Variants in YWHAE observed in about 807,000 individuals in gnomAD.
The protein encoded by YWHAE is 14-3-3 protein epsilon.
In YWHAE, 4 loss-of-function variants were observed where a neutral mutation model predicts 30.1. The observed-to-expected ratio is 0.13, with a 90% CI of 0.07 to 0.30. The LOEUF is 0.30. Ranked by LOEUF, YWHAE falls within the 10% of genes least tolerant of loss-of-function variation. The pLI, the probability that YWHAE is intolerant of heterozygous loss-of-function variation, is 1.00. For missense variants in YWHAE, 121 were observed against 315.9 expected, an observed-to-expected ratio of 0.38 and a Z score of 4.68; for synonymous variants, 118 against 111.8, an observed-to-expected ratio of 1.06 and a Z score of -0.35.
intron 1 of YWHAE, among the ~76,000 whole-genome samples, chr17:1,375,346 A>G (rs1364506546): frequency 6.6e-6 from 1 of 152,184 alleles, no homozygotes; most frequent in Non-Finnish European, 1.5e-5. Flanking sequence ...GATGAACTCC[A>G]ACCATTATAT....
At chr17:1,348,085 G>A in intron 5 of YWHAE, 1 of 773,076 alleles carries the variant, frequency 1.3e-6, no homozygotes, top group Non-Finnish European at 1.6e-6. Context: ...AACAGAGCAG[G>A]ACAAAGGAAA....
chr17:1,347,889 G>A lies in YWHAE; in HGVS notation c.716-2390C>T, dbSNP rs1014900454. The A allele has an allele frequency of 5.6e-5, 49 of 874,436 alleles. No individual in the cohort carries two copies. The Admixed American group carries it at 2.8e-3, about 50-fold the overall frequency. 54.2% of individuals were successfully genotyped at this position (874,436 alleles called of 1,614,324 possible). On this transcript the variant is annotated intron_variant, in intron 5 of 5. Coordinates refer to ENST00000264335, the MANE Select transcript of YWHAE (RefSeq NM_006761.5). The stretch of plus-strand genomic sequence containing the variant: ...AGGCAGAGTCTGTAAGCAACAGGAC[G>A]ATCATACGCAGGCATGATTAGTGAA...
intron 2 of YWHAE, among the ~76,000 whole-genome samples, chr17:1,363,748 G>A (rs893699057): frequency 1.3e-5 from 2 of 152,138 alleles, no homozygotes; most frequent in African/African-American, 4.8e-5. Flanking sequence ...TACAGCTGGC[G>A]AGTCAGTAAC....
intron 5 of YWHAE, chr17:1,348,143 C>T: frequency 4.7e-6 from 1 of 210,940 alleles, no homozygotes; most frequent in Non-Finnish European, 8.4e-6. Flanking sequence ...GTAAACTTCA[C>T]TCTAAGCAAC....
intron 4 of YWHAE, among the ~76,000 whole-genome samples, chr17:1,358,018 C>A (rs982543316): frequency 5.3e-5 from 8 of 151,914 alleles, no homozygotes; most frequent in Non-Finnish European, 1.2e-4. Context: ...ACTCACAAAC[C>A]ATTTACTTGC....
intron 1 of YWHAE, among the ~76,000 whole-genome samples, chr17:1,391,493 C>G (rs1229835676): frequency 6.6e-6 from 1 of 152,134 alleles, no homozygotes; most frequent in Non-Finnish European, 1.5e-5. Flanking sequence ...ATGAATTAGT[C>G]TGTCTTTTCA....
At chr17:1,357,611 C>G (rs1236558866) in intron 4 of YWHAE, among the ~76,000 whole-genome samples, 1 of 151,436 alleles carries the variant, frequency 6.6e-6, no homozygotes, top group Non-Finnish European at 1.5e-5. Context: ...AACCATTTTG[C>G]TACTGCAATA....
At chr17:1,378,315 T>A (rs1295864870) in intron 1 of YWHAE, among the ~76,000 whole-genome samples, 2 of 152,220 alleles carry the variant, frequency 1.3e-5, no homozygotes, top group Admixed American at 1.3e-4. Context: ...TTTCAAATAA[T>A]CTGATTCAGC....
chr17:1,388,689 G>GT (rs1216539241), intron 1 of YWHAE, among the ~76,000 whole-genome samples: 1 of 150,808 alleles, frequency 6.6e-6, no homozygotes, highest in East Asian at 2.0e-4. Flanking sequence ...GAGATTACAG[G>GT]TATGTCAATT....
At chr17:1,380,606 G>A (rs12939184) in intron 1 of YWHAE, among the ~76,000 whole-genome samples, 3,447 of 152,226 alleles carry the variant, frequency 0.023, 44 homozygotes, top group Middle Eastern at 0.041. Flanking sequence ...TCACTTCCAA[G>A]ATTAAATAAC....
chr17:1,394,032 G>A (rs555089917), intron 1 of YWHAE, among the ~76,000 whole-genome samples: 13 of 152,200 alleles, frequency 8.5e-5, no homozygotes, highest in Non-Finnish European at 1.5e-4. Context: ...TCAAGCATAC[G>A]CTACTCACCC....
chr17:1,361,806 T>G (rs1273237557), intron 3 of YWHAE, 96 bp downstream of exon 3: 1 of 693,026 alleles, frequency 1.4e-6, no homozygotes, highest in Non-Finnish European at 2.3e-6. Context: ...GAACAATTAT[T>G]CTTAAATAAA....
At chr17:1,354,368 G>A (rs2072691456) in intron 4 of YWHAE, 21 bp from the exon 5 acceptor site, 2 of 1,604,408 alleles carry the variant, frequency 1.2e-6, no homozygotes, top group Non-Finnish European at 1.7e-6. Context: ...TTCAATAGAA[G>A]TGTTATAAAA....
chr17:1,378,461 A>T (rs549459990), intron 1 of YWHAE, among the ~76,000 whole-genome samples: 1 of 152,374 alleles, frequency 6.6e-6, no homozygotes, highest in African/African-American at 2.4e-5. Flanking sequence ...CTTGCTAGTC[A>T]CATGACAACT....
chr17:1,362,018 A>G lies in YWHAE; in HGVS notation c.265-10T>C, dbSNP rs757367625. 6.5e-7 allele frequency: 1 copy of G among 1,534,776 alleles called. No homozygotes were observed. The highest frequency in any genetic ancestry group is 8.7e-7 in the Non-Finnish European group (1 of 1,146,518). On this transcript the variant is annotated splice_polypyrimidine_tract_variant and intron_variant, in intron 2 of 5. Coordinates refer to ENST00000264335, the MANE Select transcript of YWHAE (RefSeq NM_006761.5). ...TTAGCTCAGTCTCAACCTAAAAAAA[A>G]AAAAATTTTTTTTAAATCAGATTAA...
intron 2 of YWHAE, among the ~76,000 whole-genome samples, chr17:1,364,229 CT>C (rs34295955): frequency 0.65 from 93,046 of 142,776 alleles, 31,226 homozygotes; most frequent in African/African-American, 0.84. Context: ...TTTTTGGGTG[CT>C]TTTTTTTTTT....
rs373712017 is a variant in YWHAE, at chr17:1,357,328, G to A, written c.579-2981C>T. ...TGAGGCAGGAGAATGGCGTGAACCCGGGAGGCAGAGCTTGCAGTGAGCCGA... is the reference window on the plus strand; with the variant it reads ...TGAGGCAGGAGAATGGCGTGAACCCAGGAGGCAGAGCTTGCAGTGAGCCGA... On this transcript the variant is annotated intron_variant, in intron 4 of 5. Transcript: ENST00000264335. Among the ~76,000 whole-genome samples, 22 of 144,262 alleles carry A rather than the reference G, an allele frequency of 1.5e-4. No individual in the cohort carries two copies. In the East Asian group the frequency reaches 2.0e-3, roughly 13 times the overall value. The allele number at this position is 144,262 out of a possible 152,430, so 94.6% of individuals were successfully genotyped here.
intron 2 of YWHAE, among the ~76,000 whole-genome samples, chr17:1,363,911 C>T (rs976890564): frequency 6.6e-6 from 1 of 152,116 alleles, no homozygotes; most frequent in South Asian, 2.1e-4. Flanking sequence ...TTGTGGGGCC[C>T]GTGCTGTGCC....
chr17:1,384,571 T>C (rs2150871228), intron 1 of YWHAE, among the ~76,000 whole-genome samples: 1 of 152,234 alleles, frequency 6.6e-6, no homozygotes, highest in South Asian at 2.1e-4. Context: ...CAGGCACCTG[T>C]ACTCCCAGCT....
Sources: gnomAD v4.1 joint callset for allele counts (sites outside exome capture counted in the v4.1 genomes callset) on GRCh38, gnomAD v4.1.1 for gene constraint, MANE v1.5 for transcripts, NCBI Gene and HGNC (gene_info 2026-07-23, HGNC 2026-07-21) for gene names.